FOCAD: variants seen among roughly 807,000 people sequenced by gnomAD.
FOCAD encodes the protein focadhesin, also known as KIAA1797.
In FOCAD, 198 loss-of-function variants were observed where a neutral mutation model predicts 225.6. That is an observed-to-expected ratio of 0.88 (90% CI 0.78 to 0.99). The LOEUF (loss-of-function observed/expected upper bound fraction) is 0.99, where lower values mean the gene tolerates loss of function less well. FOCAD is among the 50% of genes least tolerant of loss of function. The pLI is 0.00. For synonymous variants in FOCAD, 897 were observed against 755.0 expected (o/e 1.19, Z -3.08); for missense variants, 2,713 against 2,123.6 (o/e 1.28, Z -5.46).
chr9:20,952,269 G>A (rs902418604), intron 34 of FOCAD, among the ~76,000 whole-genome samples: 1 of 152,034 alleles, frequency 6.6e-6, no homozygotes, highest in African/African-American at 2.4e-5. Context: ...CTTATACCCA[G>A]GTTCTTCTGA....
rs1198171287 is a variant in FOCAD, at chr9:20,676,816, C to T, written c.-77-17704C>T. On this transcript the variant is annotated intron_variant, in intron 2 of 45. Transcript: ENST00000380249. ...ATACCATTACAATGTTCATACCACA[C>T]AACATGATCTACAGATTCAATACAA... Among the ~76,000 whole-genome samples, 3 of 152,178 alleles carry T rather than the reference C, an allele frequency of 2.0e-5. No individual in the cohort carries two copies. The East Asian group carries it at 5.8e-4, about 29-fold the overall frequency.
intron 35 of FOCAD, among the ~76,000 whole-genome samples, chr9:20,954,495 TA>T (rs1429390279): frequency 1.3e-5 from 2 of 152,198 alleles, no homozygotes; most frequent in Admixed American, 6.5e-5. Context: ...TTCTAGTGAA[TA>T]AAATGTTAGT....
chr9:20,994,241 A>G (rs1841898802), intron 43 of FOCAD, among the ~76,000 whole-genome samples: 1 of 152,224 alleles, frequency 6.6e-6, no homozygotes. Flanking sequence ...TTTGTTAACT[A>G]TGACTGTAGG....
chr9:20,808,655 A>T (rs1295389582), intron 11 of FOCAD, among the ~76,000 whole-genome samples: 1 of 152,152 alleles, frequency 6.6e-6, no homozygotes, highest in Non-Finnish European at 1.5e-5. Context: ...TTGAAAAATA[A>T]GCTGATCGGG....
In FOCAD at chr9:20,995,635, T is replaced by TA. The variant is rs1420291381; in HGVS notation, c.*6_*7insA. The TA allele has an allele frequency of 1.2e-6, 2 of 1,611,392 alleles. No homozygotes were observed. On this transcript the variant is annotated 3_prime_UTR_variant, in exon 44 of 44. Transcript: ENST00000338382. ...CCAGAGCATATGGTTGGTGAACAGT[T>TA]TTGCAGTAACCAGCAGCATTCTCAG...
At chr9:20,710,230 T>TTTA (rs1824722652) in intron 1 of FOCAD, among the ~76,000 whole-genome samples, 1 of 35,032 alleles carries the variant, frequency 2.9e-5, no homozygotes, top group Non-Finnish European at 8.7e-5. Context: ...GTAGCTGAGA[T>TTTA]TTTTTTTTTT....
chr9:20,770,718 G>A (rs1416202395), intron 8 of FOCAD, among the ~76,000 whole-genome samples: 1 of 152,144 alleles, frequency 6.6e-6, no homozygotes, highest in Non-Finnish European at 1.5e-5. Flanking sequence ...TCAATAACTG[G>A]GTGGATCTGC....
chr9:20,795,585 A>G (rs1820976164), intron 11 of FOCAD, among the ~76,000 whole-genome samples: 1 of 151,930 alleles, frequency 6.6e-6, no homozygotes, highest in South Asian at 2.1e-4. Flanking sequence ...GGAGATTGAG[A>G]CCATCCTGGC....
intron 1 of FOCAD, among the ~76,000 whole-genome samples, chr9:20,700,637 A>C (rs774710694): frequency 6.6e-6 from 1 of 151,680 alleles, no homozygotes; most frequent in Non-Finnish European, 1.5e-5. Context: ...TAATTTGGAC[A>C]TAAAGTTGTT....
At chr9:20,809,984 C>G (rs1822878388) in intron 11 of FOCAD, among the ~76,000 whole-genome samples, 1 of 152,080 alleles carries the variant, frequency 6.6e-6, no homozygotes, top group Admixed American at 6.6e-5. Flanking sequence ...TTTGGGGGTC[C>G]CAAAGATGAC....
intron 5 of FOCAD, among the ~76,000 whole-genome samples, chr9:20,755,076 T>C (rs1828928709): frequency 6.6e-6 from 1 of 152,224 alleles, no homozygotes; most frequent in African/African-American, 2.4e-5. Flanking sequence ...AGTAATCAAA[T>C]GCTGATCAAC....
intron 24 of FOCAD, among the ~76,000 whole-genome samples, chr9:20,922,359 C>T: frequency 6.6e-6 from 1 of 151,922 alleles, no homozygotes; most frequent in Non-Finnish European, 1.5e-5. Context: ...TGGTGGTGAA[C>T]AAAATGATCA....
rs1302070009 is a variant in FOCAD at position 20,772,237 on chromosome 9, A to G, written c.906+1999A>G. ...AATGGTAGCTGATGTTGGAGGGAAG[A>G]TGATTAATTAGATTTCAGATATGCT... On this transcript the variant is annotated intron_variant, in intron 8 of 43. Transcript: ENST00000338382. 3.3e-5 allele frequency among the ~76,000 whole-genome samples: 5 copies of G among 152,296 alleles called. No homozygotes were observed. The East Asian group carries it at 5.8e-4, about 18-fold the overall frequency.
At chr9:20,799,494 AG>A (rs1821538026) in intron 11 of FOCAD, among the ~76,000 whole-genome samples, 2 of 152,062 alleles carry the variant, frequency 1.3e-5, no homozygotes, top group South Asian at 4.2e-4. Context: ...GTCTCTTTCT[AG>A]GTCTCTAAGG....
chr9:20,679,949 T>G (rs1822351403), upstream of FOCAD, among the ~76,000 whole-genome samples: 1 of 152,220 alleles, frequency 6.6e-6, no homozygotes, highest in Non-Finnish European at 1.5e-5. Context: ...CTGCTGTTTC[T>G]CAGAAATATT....
intron 19 of FOCAD, among the ~76,000 whole-genome samples, chr9:20,879,287 C>G (rs1830481441): frequency 6.6e-6 from 1 of 152,102 alleles, no homozygotes; most frequent in Non-Finnish European, 1.5e-5. Flanking sequence ...GCACTAATTC[C>G]CTCCCCAGGA....
At chr9:20,903,340 G>A (rs1378798713) in intron 21 of FOCAD, among the ~76,000 whole-genome samples, 3 of 151,928 alleles carry the variant, frequency 2.0e-5, no homozygotes, top group Non-Finnish European at 2.9e-5. Context: ...ATTCTACTGT[G>A]TTACTGATAA....
intron 5 of FOCAD, among the ~76,000 whole-genome samples, chr9:20,751,079 G>A (rs1828495351): frequency 6.6e-6 from 1 of 151,986 alleles, no homozygotes; most frequent in African/African-American, 2.4e-5. Context: ...GCAGAGCCAG[G>A]ATGTAAATTT....
intron 1 of FOCAD, among the ~76,000 whole-genome samples, chr9:20,706,523 T>C (rs1170198507): frequency 2.6e-5 from 4 of 152,310 alleles, no homozygotes; most frequent in Admixed American, 2.0e-4. Context: ...TGATATGGAA[T>C]TGTGCAGGTC....
Sources: gnomAD v4.1 joint callset for allele counts (sites outside exome capture counted in the v4.1 genomes callset) on GRCh38, gnomAD v4.1.1 for gene constraint, MANE v1.5 for transcripts, NCBI Gene and HGNC (gene_info 2026-07-23, HGNC 2026-07-21) for gene names.